The following SLC26A7 variants were observed in gnomAD, a reference collection of about 807,000 sequenced individuals.
SLC26A7 encodes the protein anion exchange transporter.
In SLC26A7, 59 loss-of-function variants were observed where a neutral mutation model predicts 82.5. The observed-to-expected ratio is 0.72, with a 90% CI of 0.58 to 0.89. The LOEUF (loss-of-function observed/expected upper bound fraction) is 0.89. Among genes scored for constraint, SLC26A7 ranks in the 40% least tolerant of loss-of-function variants. The pLI is 0.00. For missense variants in SLC26A7, 820 were observed against 793.0 expected, an observed-to-expected ratio of 1.03 and a Z score of -0.41; for synonymous variants, 271 against 274.3, an observed-to-expected ratio of 0.99 and a Z score of 0.12.
chr8:91,233,600 AAAAG>A (rs1198249091), intron 2 of SLC26A7, among the ~76,000 whole-genome samples: 2 of 151,952 alleles, frequency 1.3e-5, no homozygotes, highest in African/African-American at 2.4e-5. Context: ...AAAAAAAAGA[AAAAG>A]AAAAAGAAAA....
chr8:91,281,580 C>A (rs1323247981), intron 2 of SLC26A7, among the ~76,000 whole-genome samples: 2 of 152,166 alleles, frequency 1.3e-5, no homozygotes, highest in African/African-American at 4.8e-5. Context: ...CATGTTCAAC[C>A]AGTACATAAA....
At chr8:91,381,591 A>G (rs1399802004) in intron 15 of SLC26A7, among the ~76,000 whole-genome samples, 2 of 152,088 alleles carry the variant, frequency 1.3e-5, no homozygotes, top group Non-Finnish European at 2.9e-5. Context: ...GACCAGGCCC[A>G]CTTTGCACAG....
At chr8:91,376,705 T>G (rs1333062759) in intron 15 of SLC26A7, among the ~76,000 whole-genome samples, 2 of 152,166 alleles carry the variant, frequency 1.3e-5, no homozygotes, top group Admixed American at 6.5e-5. Context: ...AGGTGGTATT[T>G]AAGACTAAGA....
At chr8:91,340,263 G>A in intron 7 of SLC26A7, 141 bp from the exon 8 acceptor site, 1 of 1,018,292 alleles carries the variant, frequency 9.8e-7, no homozygotes, top group Non-Finnish European at 1.4e-6. Flanking sequence ...GGCTTCTAAG[G>A]GCAAGGCTGC....
chr8:91,325,495 C>A (rs1812907343), intron 5 of SLC26A7, among the ~76,000 whole-genome samples: 1 of 152,094 alleles, frequency 6.6e-6, no homozygotes, highest in Non-Finnish European at 1.5e-5. Context: ...TAAGAAAAGG[C>A]CATAATCTGT....
At chr8:91,371,517 T>C (rs1814361330) in intron 15 of SLC26A7, among the ~76,000 whole-genome samples, 1 of 151,784 alleles carries the variant, frequency 6.6e-6, no homozygotes. Flanking sequence ...TCTGAATTAA[T>C]TCACTTAAAA....
intron 2 of SLC26A7, among the ~76,000 whole-genome samples, chr8:91,222,683 C>G (rs1188431253): frequency 2.0e-5 from 3 of 152,134 alleles, no homozygotes; most frequent in Admixed American, 1.3e-4. Flanking sequence ...GTTGAACCAG[C>G]CTTGCATCCC....
At chr8:91,232,900 C>G (rs1207047299) in intron 2 of SLC26A7, among the ~76,000 whole-genome samples, 1 of 152,044 alleles carries the variant, frequency 6.6e-6, no homozygotes, top group Non-Finnish European at 1.5e-5. Context: ...CCTGTGATTC[C>G]AAGAAAGGCT....
chr8:91,221,196 GC>G (rs1411275102), intron 2 of SLC26A7, among the ~76,000 whole-genome samples: 4 of 152,120 alleles, frequency 2.6e-5, no homozygotes, highest in Admixed American at 1.3e-4. Flanking sequence ...CATATCCTTT[GC>G]CCACTTTTTG....
At chr8:91,238,623 A>T (rs1244827493) in intron 2 of SLC26A7, among the ~76,000 whole-genome samples, 1 of 151,432 alleles carries the variant, frequency 6.6e-6, no homozygotes, top group Non-Finnish European at 1.5e-5. Context: ...TCAAGAATAC[A>T]TTCAAAAAGG....
At chr8:91,237,170 A>G (rs1810404627) in intron 2 of SLC26A7, among the ~76,000 whole-genome samples, 1 of 152,174 alleles carries the variant, frequency 6.6e-6, no homozygotes. Context: ...CTACACCAAA[A>G]TCCACAGGAT....
At chr8:91,355,074 A>T (rs1813825111) in intron 11 of SLC26A7, among the ~76,000 whole-genome samples, 1 of 152,114 alleles carries the variant, frequency 6.6e-6, no homozygotes, top group Non-Finnish European at 1.5e-5. Context: ...TGAGTGTAAA[A>T]TGCTTTCTCT....
chr8:91,289,286 A>G lies in SLC26A7; in HGVS notation c.304+40A>G, dbSNP rs532043606. ...GTTTATGCTTCTAATGTTACTCGCA[A>G]AAAAGACTTAGTGATTATTACTGAT... is the stretch of plus-strand genomic sequence containing the variant. On this transcript the variant is annotated intron_variant, in intron 3 of 18. Coordinates refer to ENST00000276609, the MANE Select transcript of SLC26A7 (RefSeq NM_052832.4). The G allele has an allele frequency of 2.3e-5, 33 of 1,464,532 alleles. No individual in the cohort carries two copies. In the South Asian group the frequency reaches 3.2e-4, roughly 14 times the overall value. 90.7% of individuals were successfully genotyped at this position (1,464,532 alleles called of 1,614,324 possible). A position where few individuals can be genotyped will look rare whatever the true frequency, so the allele number is the denominator to read the frequency against.
intron 11 of SLC26A7, among the ~76,000 whole-genome samples, chr8:91,359,588 G>A (rs989460662): frequency 1.3e-5 from 2 of 152,138 alleles, no homozygotes; most frequent in South Asian, 2.1e-4. Flanking sequence ...TATAGCAGGC[G>A]CATGATGATT....
chr8:91,321,760 G>T (rs1028685677), intron 5 of SLC26A7, among the ~76,000 whole-genome samples: 1 of 151,920 alleles, frequency 6.6e-6, no homozygotes, highest in Non-Finnish European at 1.5e-5. Flanking sequence ...CTAGTTCTTT[G>T]TAAACTTTAA....
intron 15 of SLC26A7, among the ~76,000 whole-genome samples, chr8:91,383,137 A>G (rs1038476299): frequency 1.3e-5 from 2 of 152,164 alleles, no homozygotes; most frequent in South Asian, 2.1e-4. Flanking sequence ...TGAAGTTTCT[A>G]TCTTCCTCTT....
chr8:91,256,360 C>T (rs1035232673), intron 2 of SLC26A7, among the ~76,000 whole-genome samples: 1 of 152,026 alleles, frequency 6.6e-6, no homozygotes, highest in Admixed American at 6.6e-5. Flanking sequence ...TACACCTGGC[C>T]AGTGACTGAT....
chr8:91,231,283 T>C (rs545971288), intron 2 of SLC26A7, among the ~76,000 whole-genome samples: 1 of 152,354 alleles, frequency 6.6e-6, no homozygotes, highest in Admixed American at 6.5e-5. Flanking sequence ...CAGATGACTA[T>C]GATTTCATTG....
At chr8:91,219,111 A>G (rs1458784531) in intron 2 of SLC26A7, 9 of 460,144 alleles carry the variant, frequency 2.0e-5, no homozygotes, top group Non-Finnish European at 3.1e-5. Context: ...CAACACATTA[A>G]ATAAAGGAAG....
Sources: gnomAD v4.1 joint callset for allele counts (sites outside exome capture counted in the v4.1 genomes callset) on GRCh38, gnomAD v4.1.1 for gene constraint, MANE v1.5 for transcripts, NCBI Gene and HGNC (gene_info 2026-07-23, HGNC 2026-07-21) for gene names.